The following RFX3 variants were observed in gnomAD, a reference collection of about 807,000 sequenced individuals.
The protein encoded by RFX3 is transcription factor RFX3.
In RFX3, 14 loss-of-function variants were observed where a neutral mutation model predicts 98.6. The ratio of observed to expected loss-of-function variants is 0.14; its 90% confidence interval spans 0.09 to 0.22. The LOEUF (loss-of-function observed/expected upper bound fraction) is 0.22, where lower values mean the gene tolerates loss of function less well. RFX3 is among the 10% of genes least tolerant of loss of function. The pLI, the probability that RFX3 is intolerant of heterozygous loss-of-function variation, is 1.00. For synonymous variants in RFX3, 383 were observed against 328.4 expected, an observed-to-expected ratio of 1.17 and a Z score of -1.80; for missense variants, 639 against 926.9, an observed-to-expected ratio of 0.69 and a Z score of 4.03.
chr9:3,271,371 C>A (rs1212535809), intron 9 of RFX3, among the ~76,000 whole-genome samples: 1 of 151,492 alleles, frequency 6.6e-6, no homozygotes, highest in African/African-American at 2.4e-5. Flanking sequence ...TGTATTCATG[C>A]CACCCTCACT....
chr9:3,346,647 A>C lies in RFX3; in HGVS notation c.215+20T>G, dbSNP rs762042534. The C allele has an allele frequency of 2.6e-5, 38 of 1,468,622 alleles. No homozygotes were observed. The Admixed American group carries it at 5.9e-4, about 23-fold the overall frequency. 91.0% of individuals were successfully genotyped at this position (1,468,622 alleles called of 1,614,324 possible). ...TTCTCTGAGTGGGGGAATTAAAAAG[A>C]CTTCCACATATAAACTTACATTGCT... On this transcript the variant is annotated intron_variant, in intron 3 of 16. Transcript: ENST00000617270.
chr9:3,471,141 CA>C (rs1167257291), intron 1 of RFX3, among the ~76,000 whole-genome samples: 1 of 152,130 alleles, frequency 6.6e-6, no homozygotes, highest in Admixed American at 6.5e-5. Context: ...AACAGCAGAG[CA>C]ATTCTAAAGG....
At chr9:3,524,827 G>GCACACACACACA (rs34119220) in intron 1 of RFX3, among the ~76,000 whole-genome samples, 4 of 128,224 alleles carry the variant, frequency 3.1e-5, no homozygotes, top group East Asian at 3.3e-4. Flanking sequence ...TAAATCACAA[G>GCACACACACACA]CACACACACA....
At chr9:3,227,040 C>T (rs555851466) in intron 16 of RFX3, among the ~76,000 whole-genome samples, 5 of 152,156 alleles carry the variant, frequency 3.3e-5, no homozygotes, top group African/African-American at 1.2e-4. Flanking sequence ...CTGGCTCTAA[C>T]TCAAGAGCCA....
At chr9:3,426,863 T>C (rs1844086918) in intron 1 of RFX3, among the ~76,000 whole-genome samples, 1 of 152,080 alleles carries the variant, frequency 6.6e-6, no homozygotes, top group Non-Finnish European at 1.5e-5. Context: ...ATCATAGAAA[T>C]AAAGCACACA....
At chr9:3,340,275 T>C (rs1253226646) in intron 3 of RFX3, among the ~76,000 whole-genome samples, 2 of 152,152 alleles carry the variant, frequency 1.3e-5, no homozygotes, top group South Asian at 2.1e-4. Context: ...AAGACTTAAA[T>C]GTTAGACCTA....
At chr9:3,263,195 T>C (rs1288586066) in intron 12 of RFX3, 111 bp from the exon 13 acceptor site, 11 of 1,077,138 alleles carry the variant, frequency 1.0e-5, no homozygotes, top group Non-Finnish European at 1.4e-5. Context: ...CCTCTGACAC[T>C]TATTTAAAAT....
chr9:3,495,533 T>C (rs902776055), intron 1 of RFX3, among the ~76,000 whole-genome samples: 55 of 152,082 alleles, frequency 3.6e-4, no homozygotes, highest in Non-Finnish European at 1.9e-4. Context: ...TATGCACACA[T>C]AAATTGTACT....
At chr9:3,501,455 A>T (rs1815989670) in intron 1 of RFX3, among the ~76,000 whole-genome samples, 2 of 152,040 alleles carry the variant, frequency 1.3e-5, no homozygotes, top group South Asian at 4.1e-4. Context: ...CTCCTGACAG[A>T]CTATTTCCTT....
intron 3 of RFX3, among the ~76,000 whole-genome samples, chr9:3,346,039 G>A (rs374411281): frequency 3.9e-5 from 6 of 152,076 alleles, no homozygotes; most frequent in East Asian, 1.9e-4. Context: ...CAATCCTTGC[G>A]ACTTACAATA....
chr9:3,387,367 TA>T (rs934464668), intron 2 of RFX3, among the ~76,000 whole-genome samples: 3 of 152,018 alleles, frequency 2.0e-5, no homozygotes, highest in South Asian at 2.1e-4. Flanking sequence ...TAACTCTGGA[TA>T]AAAAAAAATT....
intron 1 of RFX3, among the ~76,000 whole-genome samples, chr9:3,467,835 A>G (rs746622816): frequency 1.3e-4 from 20 of 152,072 alleles, no homozygotes; most frequent in Non-Finnish European, 2.2e-4. Context: ...ACAGACACAG[A>G]GTTGTCAACA....
intron 15 of RFX3, among the ~76,000 whole-genome samples, chr9:3,246,869 C>T (rs1820744999): frequency 6.6e-6 from 1 of 152,172 alleles, no homozygotes; most frequent in Non-Finnish European, 1.5e-5. Flanking sequence ...GATGGATATA[C>T]AGCAAGGGGT....
At position 3,505,234 on chromosome 9, in the gene RFX3, A is replaced by ATTTATATATACATTTT. The variant is rs1322348398; in HGVS notation, c.-9+20512_-9+20513insAAAATGTATATATAAA. On this transcript the variant is annotated intron_variant, in intron 1 of 16. Transcript: ENST00000617270. ...TATGAATATATATTTATATATGAAT[A>ATTTATATATACATTTT]TATATTTATATATATATGAATATAT... Among the ~76,000 whole-genome samples the ATTTATATATACATTTT allele has an allele frequency of 3.7e-3, 305 of 83,388 alleles. 50 individuals are homozygous for ATTTATATATACATTTT. The highest frequency in any genetic ancestry group is 0.03 in the East Asian group (45 of 1,496). The allele number at this position is 83,388 out of a possible 152,430, so 54.7% of individuals were successfully genotyped here.
At chr9:3,405,963 G>T (rs1841930815) in intron 1 of RFX3, among the ~76,000 whole-genome samples, 1 of 150,434 alleles carries the variant, frequency 6.6e-6, no homozygotes, top group African/African-American at 2.4e-5. Context: ...GTCTTGTTTT[G>T]TTTTTTTTTG....
At chr9:3,258,385 C>A (rs907891761) in intron 13 of RFX3, among the ~76,000 whole-genome samples, 1 of 152,064 alleles carries the variant, frequency 6.6e-6, no homozygotes, top group Non-Finnish European at 1.5e-5. Flanking sequence ...CTGAATAAAT[C>A]CATTATCTCC....
intron 1 of RFX3, among the ~76,000 whole-genome samples, chr9:3,408,547 TTCAC>T (rs1352254672): frequency 6.6e-6 from 1 of 152,052 alleles, no homozygotes; most frequent in African/African-American, 2.4e-5. Context: ...ATTGTACTAC[TTCAC>T]TATTTCAAAA....
intron 1 of RFX3, among the ~76,000 whole-genome samples, chr9:3,503,919 CTCT>C (rs1342196752): frequency 6.6e-6 from 1 of 151,682 alleles, no homozygotes; most frequent in Non-Finnish European, 1.5e-5. Flanking sequence ...GTCTGGCTAA[CTCT>C]AATTTCTATT....
At chr9:3,310,040 T>C (rs1375395659) in intron 4 of RFX3, among the ~76,000 whole-genome samples, 1 of 152,180 alleles carries the variant, frequency 6.6e-6, no homozygotes, top group South Asian at 2.1e-4. Flanking sequence ...TCCTGAACAG[T>C]GCTTTCCCCT....
Sources: gnomAD v4.1 joint callset for allele counts (sites outside exome capture counted in the v4.1 genomes callset) on GRCh38, gnomAD v4.1.1 for gene constraint, MANE v1.5 for transcripts, NCBI Gene and HGNC (gene_info 2026-07-23, HGNC 2026-07-21) for gene names.